The following SPRYD7 variants were observed in gnomAD, a reference collection of about 807,000 sequenced individuals.
SPRYD7 encodes SPRY domain-containing protein 7.
Under a neutral mutation model 23.8 loss-of-function variants are expected in SPRYD7, and 14 were observed. The ratio of observed to expected loss-of-function variants is 0.59; its 90% confidence interval spans 0.39 to 0.92. The LOEUF (loss-of-function observed/expected upper bound fraction) is 0.92, where lower values mean the gene tolerates loss of function less well. Ranked by LOEUF, SPRYD7 falls within the 40% of genes least tolerant of loss-of-function variation. SPRYD7 has a pLI of 0.00. For synonymous variants in SPRYD7, 75 were observed against 84.9 expected, an observed-to-expected ratio of 0.88 and a Z score of 0.64; for missense variants, 194 against 241.7, an observed-to-expected ratio of 0.80 and a Z score of 1.31.
At chr13:49,930,604 A>C (rs1955937169) in intron 2 of SPRYD7, among the ~76,000 whole-genome samples, 1 of 151,856 alleles carries the variant, frequency 6.6e-6, no homozygotes. Flanking sequence ...AAAAAGAAAA[A>C]CTCAGAATCA....
rs369903115 is a variant in SPRYD7 at position 49,915,094 on chromosome 13, T to C, written c.560A>G (p.Glu187Gly). ...GATTTGCTGTTCAAATAATATTTTTTCAAAACCAGGTGGAGGCGTATGATA... is the reference window on the plus strand; with the variant it reads ...GATTTGCTGTTCAAATAATATTTTTCCAAAACCAGGTGGAGGCGTATGATA... ...EFYHTPPPGFEKILFEQQIF is the reference protein window; with the variant it reads ...EFYHTPPPGFGKILFEQQIF The change falls in exon 5 of 5, where the codon GAA becomes GGA. Residue 187 changes from glutamate to glycine, a missense_variant. Physicochemically the swap from Glu to Gly is moderately conservative, Grantham distance 98. Coordinates refer to ENST00000361840, the MANE Select transcript of SPRYD7 (RefSeq NM_020456.4). 1.3e-6 allele frequency: 2 copies of C among 1,561,408 alleles called. No homozygotes were observed. The highest frequency in any genetic ancestry group is 1.4e-5 in the African/African-American group (1 of 73,034).
chr13:49,919,112 C>T (rs1370278065), intron 4 of SPRYD7, among the ~76,000 whole-genome samples: 1 of 151,932 alleles, frequency 6.6e-6, no homozygotes, highest in African/African-American at 2.4e-5. Flanking sequence ...TACCTGTTTA[C>T]TTAAAGTTGA....
At chr13:49,923,664 T>A (rs1955845110) in intron 3 of SPRYD7, among the ~76,000 whole-genome samples, 1 of 152,188 alleles carries the variant, frequency 6.6e-6, no homozygotes, top group Non-Finnish European at 1.5e-5. Context: ...TCTTTCTTTT[T>A]TTTTTTGAGA....
Position 49,928,048 on chromosome 13 carries a change from G to C in SPRYD7, c.261C>G (p.Asn87Lys). ...WGIGVATQKV[N>K]LNQIPLGRDM... ...CTCGGCCAAGAGGAATCTGATTCAA[G>C]TTAACCTTCTGAGTTGCAACACCAA... Residue 87 changes from asparagine (N) to lysine (K), a missense_variant, in exon 3 of 5, where the codon AAC (asparagine) becomes AAG (lysine). Coordinates refer to ENST00000361840, the MANE Select transcript of SPRYD7 (RefSeq NM_020456.4). The C allele has an allele frequency of 6.2e-7, 1 of 1,614,062 alleles. No individual in the cohort carries two copies. Among genetic ancestry groups the C allele is most frequent in the East Asian group, 2.2e-5 (1 of 44,878 alleles).
In SPRYD7 at chr13:49,914,057, A is replaced by G. The variant is rs1003483076; in HGVS notation, c.*1006T>C. 3 of 153,654 alleles carry G rather than the reference A, an allele frequency of 2.0e-5. No individual in the cohort carries two copies. The South Asian group carries it at 6.2e-4, about 32-fold the overall frequency. The allele number at this position is 153,654 out of a possible 1,614,324, so 9.5% of individuals were successfully genotyped here. A position where few individuals can be genotyped will look rare whatever the true frequency, so the allele number is the denominator to read the frequency against. On this transcript the variant is annotated 3_prime_UTR_variant, in exon 5 of 5. Coordinates refer to ENST00000361840, the MANE Select transcript of SPRYD7 (RefSeq NM_020456.4). ...GGAGGGAAATGTATGCATCCTTGCC[A>G]TGCTCATTTGAAAACAGACAACGTA...
intron 1 of SPRYD7, among the ~76,000 whole-genome samples, chr13:49,931,394 C>T (rs41305036): frequency 4.5e-4 from 69 of 152,228 alleles, no homozygotes; most frequent in Non-Finnish European, 8.8e-4. Context: ...ATTGGTCAGG[C>T]TGGTCTTGAA....
At chr13:49,925,085 G>C (rs61591809) in intron 3 of SPRYD7, among the ~76,000 whole-genome samples, 2 of 151,636 alleles carry the variant, frequency 1.3e-5, no homozygotes, top group African/African-American at 2.4e-5. Context: ...CAGGCACTTA[G>C]AGCAGTGCCC....
At chr13:49,933,747 C>T (rs1251295039) in intron 1 of SPRYD7, among the ~76,000 whole-genome samples, 2 of 152,096 alleles carry the variant, frequency 1.3e-5, no homozygotes. Context: ...GCTGCTTAGA[C>T]GGTCAAGGCA....
At chr13:49,932,194 A>G (rs537016807) in intron 1 of SPRYD7, among the ~76,000 whole-genome samples, 110 of 152,334 alleles carry the variant, frequency 7.2e-4, no homozygotes, top group Admixed American at 3.9e-3. Flanking sequence ...ACAAGCTACT[A>G]TACTTGTGCA....
intron 4 of SPRYD7, among the ~76,000 whole-genome samples, chr13:49,918,542 C>T (rs1032724017): frequency 6.8e-6 from 1 of 148,088 alleles, no homozygotes; most frequent in African/African-American, 2.5e-5. Flanking sequence ...TGAGTAGTTG[C>T]GATTACAGGT....
At position 49,927,978 on chromosome 13, in the gene SPRYD7, T is replaced by C. The variant is rs41300572; in HGVS notation, c.331A>G (p.Asn111Asp). 32 of 1,614,204 alleles carry C rather than the reference T, an allele frequency of 2.0e-5. No homozygotes were observed. Among genetic ancestry groups the C allele is most frequent in the Non-Finnish European group, 2.5e-5 (30 of 1,180,030 alleles). Residue 111 changes from asparagine to aspartate, a missense_variant, in exon 3 of 5, where the codon AAC becomes GAC. By Grantham distance (23) the Asn-to-Asp change is conservative (BLOSUM62 1). Coordinates refer to ENST00000361840, the MANE Select transcript of SPRYD7 (RefSeq NM_020456.4). ...GGCAGCCTATTTTTCTCTTCATTGT[T>C]GTGGTAAAGGGCTCCATCATTTCTC... ...VMRNDGALYHNNEEKNRLPAN... is the reference protein window; with the variant it reads ...VMRNDGALYHDNEEKNRLPAN...
chr13:49,923,253 T>C (rs1403460445), intron 3 of SPRYD7, among the ~76,000 whole-genome samples: 2 of 151,618 alleles, frequency 1.3e-5, no homozygotes, highest in Admixed American at 1.3e-4. Context: ...TGTTTTTTGT[T>C]TTTTTTTTGA....
intron 1 of SPRYD7, 55 bp downstream of exon 1, chr13:49,936,074 GC>G (rs1447997654): frequency 3.7e-6 from 5 of 1,345,614 alleles, no homozygotes; most frequent in Non-Finnish European, 4.0e-6. Flanking sequence ...AGGTCCCCCT[GC>G]CCGCCGCGCC....
chr13:49,927,209 G>A (rs1252875187), intron 3 of SPRYD7, among the ~76,000 whole-genome samples: 1 of 152,090 alleles, frequency 6.6e-6, no homozygotes, highest in Non-Finnish European at 1.5e-5. Context: ...AGAAATACAT[G>A]TGTGGCTAGG....
At chr13:49,929,773 G>A (rs1465646538) in intron 2 of SPRYD7, among the ~76,000 whole-genome samples, 3 of 149,702 alleles carry the variant, frequency 2.0e-5, no homozygotes, top group African/African-American at 4.9e-5. Flanking sequence ...GGTTACAGGC[G>A]TGAGCCACCA....
At chr13:49,923,961 T>C (rs1298805536) in intron 3 of SPRYD7, among the ~76,000 whole-genome samples, 1 of 151,920 alleles carries the variant, frequency 6.6e-6, no homozygotes, top group African/African-American at 2.4e-5. Flanking sequence ...TCTTGGTTTT[T>C]GTTTTTGTTT....
rs1955903549 is a variant in SPRYD7 at position 49,928,038 on chromosome 13, T to C, written c.271A>G (p.Ile91Val). The C allele has an allele frequency of 1.9e-6, 3 of 1,614,060 alleles. No homozygotes were observed. The change falls in exon 3 of 5, where the codon ATT (isoleucine) becomes GTT (valine). Residue 91 changes from isoleucine to valine, a missense_variant. Coordinates refer to ENST00000361840, the MANE Select transcript of SPRYD7 (RefSeq NM_020456.4). ...CTGTGCATATCTCGGCCAAGAGGAA[T>C]CTGATTCAAGTTAACCTTCTGAGTT... The part of the protein sequence containing the change: ...VATQKVNLNQ[I>V]PLGRDMHSLV...
intron 4 of SPRYD7, among the ~76,000 whole-genome samples, chr13:49,917,830 C>A (rs899065866): frequency 1.3e-5 from 2 of 152,062 alleles, no homozygotes; most frequent in Non-Finnish European, 2.9e-5. Flanking sequence ...TTTAGGCTTA[C>A]CCAATATGCA....
chr13:49,924,998 AATAAT>A (rs1955865079), intron 3 of SPRYD7, among the ~76,000 whole-genome samples: 2 of 82,294 alleles, frequency 2.4e-5, no homozygotes, highest in African/African-American at 1.0e-4. Flanking sequence ...ATAAATAAAT[AATAAT>A]AATAATAATA....
Sources: allele counts gnomAD v4.1 joint callset (sites outside exome capture counted in the v4.1 genomes callset), GRCh38; gene constraint gnomAD v4.1.1; transcripts MANE v1.5; gene names NCBI Gene and HGNC (gene_info 2026-07-23, HGNC 2026-07-21).